The following MAP2K5 variants were observed in gnomAD, a reference collection of about 807,000 sequenced individuals.
MAP2K5 encodes mitogen-activated protein kinase kinase 5.
In MAP2K5, 49 loss-of-function variants were observed where a neutral mutation model predicts 83.1. The ratio of observed to expected loss-of-function variants is 0.59; its 90% confidence interval spans 0.47 to 0.75. The LOEUF (loss-of-function observed/expected upper bound fraction) is 0.75, where lower values mean the gene tolerates loss of function less well. Among genes scored for constraint, MAP2K5 ranks in the 30% least tolerant of loss-of-function variants. The pLI is 0.00. For synonymous variants in MAP2K5, 202 were observed against 191.8 expected (o/e 1.05, Z -0.44); for missense variants, 457 against 557.5 (o/e 0.82, Z 1.82).
At chr15:67,603,678 G>C (rs925063060) in intron 8 of MAP2K5, among the ~76,000 whole-genome samples, 3 of 152,140 alleles carry the variant, frequency 2.0e-5, no homozygotes, top group African/African-American at 7.2e-5. Context: ...TTTTAGTACA[G>C]TGCAAAGAAA....
At position 67,717,909 on chromosome 15, in the gene MAP2K5, G is replaced by C. The variant is rs1455290469; in HGVS notation, c.1045-10007G>C. ...CACAGGATTGTTCCTGCCACATTCT[G>C]TTGATCACAGTGTAGGTTCTTGATG... is the stretch of plus-strand genomic sequence containing the variant. On this transcript the variant is annotated intron_variant, in intron 16 of 21. Transcript: ENST00000178640. This position sits in a 1 kb window ranked among gnomAD's most constrained non-coding sequence, Gnocchi z 4.1. The C allele has an allele frequency of 1.3e-5, 2 of 152,216 alleles. No homozygotes were observed. Among genetic ancestry groups the C allele is most frequent in the East Asian group, 3.8e-4 (2 of 5,202 alleles). 9.4% of individuals were successfully genotyped at this position (152,216 alleles called of 1,614,324 possible).
chr15:67,589,647 G>A (rs773369095), intron 6 of MAP2K5, among the ~76,000 whole-genome samples: 18 of 152,104 alleles, frequency 1.2e-4, no homozygotes, highest in Admixed American at 3.3e-4. Context: ...TAACATAATG[G>A]AATATCTATG....
chr15:67,701,863 G>T (rs1033379195), intron 15 of MAP2K5, among the ~76,000 whole-genome samples: 1 of 152,068 alleles, frequency 6.6e-6, no homozygotes, highest in African/African-American at 2.4e-5. Flanking sequence ...CTAGTTGTGG[G>T]GTCAGTTTGA....
At chr15:67,553,919 CAAAAAAAAAAAA>C (rs71142378) in intron 2 of MAP2K5, among the ~76,000 whole-genome samples, 2 of 80,102 alleles carry the variant, frequency 2.5e-5, no homozygotes, top group Non-Finnish European at 4.3e-5. Context: ...GACTCCATCT[CAAAAAAAAAAAA>C]AAAAAAAAAA....
chr15:67,711,575 G>C (rs1254538556), intron 16 of MAP2K5, among the ~76,000 whole-genome samples: 1 of 152,202 alleles, frequency 6.6e-6, no homozygotes, highest in Non-Finnish European at 1.5e-5. Flanking sequence ...CTGCTAATTT[G>C]GTTAAAGATG....
intron 6 of MAP2K5, among the ~76,000 whole-genome samples, chr15:67,590,640 A>T (rs900875606): frequency 2.0e-5 from 3 of 152,028 alleles, no homozygotes; most frequent in Admixed American, 6.6e-5. Context: ...TTTTTTAGAG[A>T]TGGGGCCCTA....
intron 11 of MAP2K5, among the ~76,000 whole-genome samples, chr15:67,648,060 T>A (rs1443715532): frequency 6.6e-6 from 1 of 152,070 alleles, no homozygotes; most frequent in Admixed American, 6.5e-5. Context: ...TAAATTAAAA[T>A]TTTTTATTGA....
At chr15:67,585,202 GA>G (rs1184329755) in intron 4 of MAP2K5, among the ~76,000 whole-genome samples, 9 of 152,132 alleles carry the variant, frequency 5.9e-5, no homozygotes, top group Non-Finnish European at 7.3e-5. Flanking sequence ...ACATGGGCAG[GA>G]GGCTTTTGTA....
chr15:67,595,542 T>G (rs1223575409), intron 7 of MAP2K5, among the ~76,000 whole-genome samples: 1 of 152,200 alleles, frequency 6.6e-6, no homozygotes, highest in East Asian at 1.9e-4. Context: ...CTGATTCTTC[T>G]TAACACAGAC....
intron 13 of MAP2K5, among the ~76,000 whole-genome samples, chr15:67,670,719 C>T (rs1477510589): frequency 4.6e-5 from 7 of 151,652 alleles, no homozygotes; most frequent in Admixed American, 4.6e-4. Context: ...GCCAACCCCC[C>T]CACCCCAAGA....
At chr15:67,623,793 C>T (rs2086244930) in intron 8 of MAP2K5, among the ~76,000 whole-genome samples, 1 of 151,844 alleles carries the variant, frequency 6.6e-6, no homozygotes. Context: ...GACGGGGTTT[C>T]TCCATGTTGG....
At chr15:67,667,799 A>C (rs1596757045) in intron 13 of MAP2K5, among the ~76,000 whole-genome samples, 1 of 152,204 alleles carries the variant, frequency 6.6e-6, no homozygotes, top group African/African-American at 2.4e-5. Context: ...TCCAGATTTT[A>C]GCTATAGAAA....
intron 13 of MAP2K5, among the ~76,000 whole-genome samples, chr15:67,666,597 T>G (rs982293310): frequency 6.6e-4 from 100 of 152,150 alleles, no homozygotes; most frequent in Admixed American, 3.3e-3. Context: ...GGTTGCAACT[T>G]GGGCTAAGAA....
At chr15:67,696,933 C>G (rs2088278588) in intron 15 of MAP2K5, among the ~76,000 whole-genome samples, 1 of 152,116 alleles carries the variant, frequency 6.6e-6, no homozygotes, top group Non-Finnish European at 1.5e-5. Context: ...GAGCTGAGAT[C>G]GCACCATTGC....
intron 15 of MAP2K5, among the ~76,000 whole-genome samples, chr15:67,695,680 G>C (rs191201523): frequency 1.3e-5 from 2 of 152,246 alleles, no homozygotes; most frequent in African/African-American, 4.8e-5. Flanking sequence ...AAATTCCTCT[G>C]ATAATTAAAT....
At chr15:67,656,916 C>T (rs771933432) in intron 11 of MAP2K5, among the ~76,000 whole-genome samples, 1 of 152,128 alleles carries the variant, frequency 6.6e-6, no homozygotes, top group Non-Finnish European at 1.5e-5. Flanking sequence ...TACTGAATTG[C>T]AGAAAAAGAA....
At position 67,769,708 on chromosome 15, in the gene MAP2K5, C is replaced by T. The variant is rs373166975; in HGVS notation, c.1196+45C>T. On this transcript the variant is annotated intron_variant, in intron 20 of 21. Transcript: ENST00000178640. The surrounding 1 kb of genome is among the most constrained non-coding windows in gnomAD (Gnocchi z 5.2). ...TGCCATGCCCTCAATGTAAATGATA[C>T]ATGCCATTAACTCGGCAGCTCCGTG... The T allele has an allele frequency of 2.5e-6, 4 of 1,591,566 alleles. No individual in the cohort carries two copies. In the African/African-American group the frequency reaches 5.4e-5, roughly 21 times the overall value.
intron 3 of MAP2K5, among the ~76,000 whole-genome samples, chr15:67,571,374 C>T (rs940971602): frequency 6.6e-6 from 1 of 152,166 alleles, no homozygotes; most frequent in Non-Finnish European, 1.5e-5. Flanking sequence ...GTGTTCCCCA[C>T]AATACCTGTT....
At chr15:67,639,915 T>C (rs2086679064) in intron 9 of MAP2K5, among the ~76,000 whole-genome samples, 1 of 152,244 alleles carries the variant, frequency 6.6e-6, no homozygotes, top group African/African-American at 2.4e-5. Context: ...TGCTCCTTCA[T>C]TGAACTTTTC....
Sources: allele counts gnomAD v4.1 joint callset (sites outside exome capture counted in the v4.1 genomes callset), GRCh38; gene constraint gnomAD v4.1.1; non-coding constraint Gnocchi (gnomAD v3.1); transcripts MANE v1.5; gene names NCBI Gene and HGNC (gene_info 2026-07-23, HGNC 2026-07-21).